The following KLK8 variants were observed in gnomAD, a reference collection of about 807,000 sequenced individuals.
The protein encoded by KLK8 is kallikrein related peptidase 8.
Under a neutral mutation model 26.7 loss-of-function variants are expected in KLK8, and 18 were observed. The observed-to-expected ratio is 0.67, with a 90% CI of 0.47 to 1.00. The LOEUF (loss-of-function observed/expected upper bound fraction) is 1.00, where lower values mean the gene tolerates loss of function less well. Among genes scored for constraint, KLK8 ranks in the 50% least tolerant of loss-of-function variants. KLK8 has a pLI of 0.00. For synonymous variants in KLK8, 137 were observed against 127.1 expected (o/e 1.08, Z -0.52); for missense variants, 301 against 331.7 (o/e 0.91, Z 0.72).
chr19:51,001,169 G>T (rs781671588), exon 3 of KLK8: 1 of 1,612,566 alleles, frequency 6.2e-7, no homozygotes, highest in African/African-American at 1.3e-5. Context: ...GCGTCCCATG[G>T]TGAGGTCTGG....
chr19:51,000,009 G>A, exon 5 of KLK8: 2 of 1,595,790 alleles, frequency 1.3e-6, no homozygotes, highest in Non-Finnish European at 1.7e-6. Context: ...GGGGACTGGT[G>A]ACAGTGCCCC....
chr19:50,999,447 C>G (rs145663880), intron 5 of KLK8, among the ~76,000 whole-genome samples: 1 of 151,030 alleles, frequency 6.6e-6, no homozygotes, highest in Admixed American at 6.6e-5. Context: ...CGCGTGGTGG[C>G]GGGTGCCTGT....
At chr19:50,998,241 G>A (rs2091188277) in intron 5 of KLK8, among the ~76,000 whole-genome samples, 1 of 152,036 alleles carries the variant, frequency 6.6e-6, no homozygotes, top group Admixed American at 6.5e-5. Context: ...CTCAATCTGT[G>A]CTAAATCCTG....
exon 5 of KLK8, chr19:51,000,240 C>T (rs758893880): frequency 3.1e-6 from 5 of 1,592,002 alleles, no homozygotes; most frequent in South Asian, 1.1e-5. Context: ...TGTGGTCTCC[C>T]AGGCGTACTG....
Position 50,996,038 on chromosome 19 carries a change from G to T in KLK8, c.*21C>A, listed in dbSNP as rs555457081. 15 of 1,612,958 alleles carry T rather than the reference G, an allele frequency of 9.3e-6. No individual in the cohort carries two copies. The South Asian group carries it at 1.3e-4, about 14-fold the overall frequency. On this transcript the variant is annotated 3_prime_UTR_variant, in exon 7 of 7. Coordinates refer to ENST00000600767, the Ensembl canonical transcript of KLK8. ...AGAGAGTTGTGAGTTTATTAAGGGA[G>T]ATCTAGTGCTTATCCTAGAATCAGC...
intron 5 of KLK8, chr19:50,998,086 T>C: frequency 1.7e-6 from 1 of 584,130 alleles, no homozygotes; most frequent in Non-Finnish European, 2.9e-6. Context: ...GCTTTCTCCA[T>C]CTAGAGAGGG....
exon 2 of KLK8, chr19:51,001,584 GC>G (rs1448667168): frequency 1.1e-5 from 2 of 174,438 alleles, no homozygotes; most frequent in Non-Finnish European, 2.4e-5. Context: ...AGTGGAGGAG[GC>G]CCCAGTACTT....
chr19:50,996,235 C>T, intron 6 of KLK8, 21 bp from the exon 6 acceptor site: 1 of 1,611,942 alleles, frequency 6.2e-7, no homozygotes, highest in Non-Finnish European at 8.5e-7. Context: ...AGAATGAGAA[C>T]AGCCTTGCAT....
At chr19:51,000,111 C>T (rs1409727088) in exon 5 of KLK8, 1 of 1,613,964 alleles carries the variant, frequency 6.2e-7, no homozygotes, top group Non-Finnish European at 8.5e-7. Flanking sequence ...CCTGGTCACG[C>T]AGTTGAAGAA....
At chr19:51,001,247 C>T (rs972182571) in intron 2 of KLK8, 72 bp from the exon 2 acceptor site, 9 of 1,350,024 alleles carry the variant, frequency 6.7e-6, no homozygotes, top group Non-Finnish European at 9.4e-6. Flanking sequence ...GATTTGGGCA[C>T]TGGGGAGGCA....
Position 51,000,753 on chromosome 19 carries a change from T to C in KLK8, c.71-170A>G, listed in dbSNP as rs752580369. On this transcript the variant is annotated intron_variant, in intron 3 of 6. Transcript: ENST00000600767. The stretch of plus-strand genomic sequence containing the variant: ...GGGGACACTCATTTCAGTCCATGTG[T>C]CATCATACAAGAGTCACACACCCAA... 5 of 1,515,330 alleles carry C rather than the reference T, an allele frequency of 3.3e-6. No individual in the cohort carries two copies. In the Admixed American group the frequency reaches 8.6e-5, roughly 26 times the overall value. The allele number at this position is 1,515,330 out of a possible 1,614,324, so 93.9% of individuals were successfully genotyped here.
chr19:51,001,222 G>A, intron 2 of KLK8, 47 bp from the exon 2 acceptor site: 1 of 1,543,524 alleles, frequency 6.5e-7, no homozygotes. Context: ...GGAGGAGCCT[G>A]AGCTCCCAGT....
intron 3 of KLK8, 27 bp from the exon 3 acceptor site, chr19:51,000,610 C>G (rs776181926): frequency 3.7e-6 from 6 of 1,612,986 alleles, no homozygotes; most frequent in South Asian, 2.2e-5. Flanking sequence ...AGGGTTGGAT[C>G]GCCACCCTCT....
intron 6 of KLK8, 39 bp from the exon 6 acceptor site, chr19:50,996,253 G>A: frequency 1.9e-6 from 3 of 1,598,296 alleles, no homozygotes; most frequent in Non-Finnish European, 2.6e-6. Flanking sequence ...CATCTGAGAT[G>A]TCCACAACGT....
At chr19:51,000,036 C>T in exon 5 of KLK8, 1 of 1,612,464 alleles carries the variant, frequency 6.2e-7, no homozygotes, top group East Asian at 2.2e-5. Context: ...AGACGGTGCA[C>T]TTCTGGCCAG....
At chr19:50,999,880 C>T in intron 5 of KLK8, 116 bp downstream of exon 4, 1 of 1,108,142 alleles carries the variant, frequency 9.0e-7, no homozygotes, top group Non-Finnish European at 1.3e-6. Context: ...ATCTCAACAT[C>T]ATGATCACTT....
exon 7 of KLK8, chr19:50,996,053 C>T (rs1303797226): frequency 6.2e-7 from 1 of 1,614,054 alleles, no homozygotes; most frequent in Admixed American, 1.7e-5. Flanking sequence ...AGTGCTTATC[C>T]TAGAATCAGC....
rs1008125589 is a variant in KLK8 at position 51,001,003 on chromosome 19, C to T, written c.70+95G>A. 1.0e-5 allele frequency: 12 copies of T among 1,176,230 alleles called. No individual in the cohort carries two copies. The African/African-American group carries it at 1.7e-4, about 16-fold the overall frequency. The allele number at this position is 1,176,230 out of a possible 1,614,324, so 72.9% of individuals were successfully genotyped here. ...CGCACTCTTCACATCCGTGCACACG[C>T]ACCCACATAACCCCCGCGGCATTCC... On this transcript the variant is annotated intron_variant, in intron 3 of 6. Transcript: ENST00000600767.
At chr19:51,001,254 G>T in intron 2 of KLK8, 79 bp from the exon 2 acceptor site, 1 of 1,263,164 alleles carries the variant, frequency 7.9e-7, no homozygotes, top group East Asian at 2.4e-5. Context: ...GCACTGGGGA[G>T]GCAGCCGAGA....
Sources: allele counts gnomAD v4.1 joint callset (sites outside exome capture counted in the v4.1 genomes callset), GRCh38; gene constraint gnomAD v4.1.1; transcripts MANE v1.5; gene names NCBI Gene and HGNC (gene_info 2026-07-23, HGNC 2026-07-21).